PCSK5: variants seen among roughly 807,000 people sequenced by gnomAD.
The protein encoded by PCSK5 is proprotein convertase subtilisin/kexin type 5.
A neutral mutation model predicts 233.2 loss-of-function variants in PCSK5; 129 were observed. The ratio of observed to expected loss-of-function variants is 0.55; its 90% CI spans 0.48 to 0.64. PCSK5 has a LOEUF of 0.64. Among genes scored for constraint, PCSK5 ranks in the 30% least tolerant of loss-of-function variants. PCSK5 has a pLI of 0.00. For synonymous variants in PCSK5, 825 were observed against 879.2 expected, an observed-to-expected ratio of 0.94 and a Z score of 1.09; for missense variants, 2,076 against 2,430.1, an observed-to-expected ratio of 0.85 and a Z score of 3.06.
chr9:76,120,456 T>G (rs1385592456), intron 9 of PCSK5, among the ~76,000 whole-genome samples: 1 of 152,154 alleles, frequency 6.6e-6, no homozygotes, highest in African/African-American at 2.4e-5. Flanking sequence ...AAAAAATCTT[T>G]CTACATTGTT....
chr9:75,980,009 G>T (rs1200247402), intron 2 of PCSK5, among the ~76,000 whole-genome samples: 1 of 152,176 alleles, frequency 6.6e-6, no homozygotes. Context: ...AGGGTGGAAA[G>T]CACATTTTAC....
intron 24 of PCSK5, among the ~76,000 whole-genome samples, chr9:76,273,460 A>C (rs1827588833): frequency 6.6e-6 from 1 of 151,376 alleles, no homozygotes; most frequent in Non-Finnish European, 1.5e-5. Flanking sequence ...TTCTTCTTAC[A>C]TACTATGTCT....
At chr9:75,963,549 G>C (rs1374543308) in intron 2 of PCSK5, among the ~76,000 whole-genome samples, 1 of 152,172 alleles carries the variant, frequency 6.6e-6, no homozygotes, top group African/African-American at 2.4e-5. Flanking sequence ...GGTAGTGTTA[G>C]AGCATTTGTT....
chr9:76,198,324 C>T (rs1204285789), intron 20 of PCSK5, among the ~76,000 whole-genome samples: 1 of 152,158 alleles, frequency 6.6e-6, no homozygotes, highest in Non-Finnish European at 1.5e-5. Flanking sequence ...GAAACGTTCC[C>T]TGAGGCTTGA....
intron 1 of PCSK5, among the ~76,000 whole-genome samples, chr9:75,928,596 C>CATATATATATATATATATATAT (rs61537466): frequency 1.5e-5 from 1 of 68,398 alleles, no homozygotes; most frequent in African/African-American, 4.9e-5. Flanking sequence ...CATATAAATA[C>CATATATATATATATATATATAT]ATATATATAT....
Position 76,320,465 on chromosome 9 carries a change from C to CTTCTTTTTT in PCSK5, c.3885-955_3885-954insCTTTTTTTT, listed in dbSNP as rs1554720984. On this transcript the variant is annotated intron_variant, in intron 30 of 37. Transcript: ENST00000674117. ...AAGAAAAAAAAAAAGTACATTGTAG[C>CTTCTTTTTT]TTTTTTTTTTTTTTTTTTTTTGAGA... is the stretch of plus-strand genomic sequence containing the variant. Among the ~76,000 whole-genome samples, 30 of 102,016 alleles carry CTTCTTTTTT rather than the reference C, an allele frequency of 2.9e-4. 1 individual carries two copies. The highest frequency in any genetic ancestry group is 7.3e-4 in the African/African-American group (19 of 25,906). The allele number at this position is 102,016 out of a possible 152,430, so 66.9% of individuals were successfully genotyped here.
chr9:75,951,885 C>T (rs2131325766), intron 2 of PCSK5, among the ~76,000 whole-genome samples: 1 of 152,226 alleles, frequency 6.6e-6, no homozygotes, highest in South Asian at 2.1e-4. Flanking sequence ...TCCTCCATCG[C>T]AGTTGTGGAT....
At chr9:76,223,965 A>T (rs1825804769) in intron 20 of PCSK5, among the ~76,000 whole-genome samples, 1 of 152,186 alleles carries the variant, frequency 6.6e-6, no homozygotes, top group Non-Finnish European at 1.5e-5. Flanking sequence ...TTGCTTATGT[A>T]ACTAATTAAA....
intron 12 of PCSK5, among the ~76,000 whole-genome samples, chr9:76,167,616 G>C (rs1413922230): frequency 6.6e-6 from 1 of 152,158 alleles, no homozygotes; most frequent in African/African-American, 2.4e-5. Flanking sequence ...ATTTTAGAAA[G>C]AGCCTCAGAC....
intron 12 of PCSK5, among the ~76,000 whole-genome samples, chr9:76,165,841 G>C (rs544687015): frequency 6.6e-6 from 1 of 152,166 alleles, no homozygotes; most frequent in Non-Finnish European, 1.5e-5. Flanking sequence ...GGATGTTCAC[G>C]CTGGGCATTA....
chr9:76,236,402 C>T (rs1431309632), intron 22 of PCSK5, among the ~76,000 whole-genome samples: 3 of 152,204 alleles, frequency 2.0e-5, no homozygotes, highest in African/African-American at 7.2e-5. Flanking sequence ...AATCCAAACT[C>T]TTGTCCCCTA....
At chr9:76,327,009 G>C (rs1462156993) in intron 32 of PCSK5, among the ~76,000 whole-genome samples, 1 of 152,068 alleles carries the variant, frequency 6.6e-6, no homozygotes, top group Non-Finnish European at 1.5e-5. Context: ...GCTCATGCCT[G>C]TAATCCCAGC....
At chr9:75,896,223 T>C (rs4745463) in intron 1 of PCSK5, among the ~76,000 whole-genome samples, 121,587 of 152,198 alleles carry the variant, frequency 0.8, 49,828 homozygotes, top group African/African-American at 0.89. Flanking sequence ...GAGTGCATGG[T>C]CTGGTGATGG....
Position 75,948,811 on chromosome 9 carries a change from A to C in PCSK5, c.297+16328A>C, listed in dbSNP as rs1416369356. 7.2e-5 allele frequency among the ~76,000 whole-genome samples: 11 copies of C among 152,112 alleles called. No individual in the cohort carries two copies. The East Asian group carries it at 2.1e-3, about 30-fold the overall frequency. On this transcript the variant is annotated intron_variant, in intron 2 of 37. Coordinates refer to ENST00000674117, the MANE Select transcript of PCSK5 (RefSeq NM_001372043.1). ...AAGCATTCCTATTTCTCCACATCCT[A>C]TCCAGCATCTGTTGTTTCCTGACTT...
chr9:75,905,403 GCTA>G (rs1167754496), intron 1 of PCSK5, among the ~76,000 whole-genome samples: 1 of 152,192 alleles, frequency 6.6e-6, no homozygotes, highest in Non-Finnish European at 1.5e-5. Context: ...TGTAGTCCCA[GCTA>G]CTTGGCAAGC....
intron 23 of PCSK5, 72 bp from the exon 24 acceptor site, chr9:76,240,544 T>C: frequency 9.6e-7 from 1 of 1,043,456 alleles, no homozygotes; most frequent in South Asian, 1.4e-5. Context: ...CACACGAACA[T>C]ATTTTTGTAG....
chr9:75,908,815 C>CATCT (rs202004678), intron 1 of PCSK5, among the ~76,000 whole-genome samples: 2,796 of 151,830 alleles, frequency 0.018, 39 homozygotes, highest in South Asian at 0.035. Context: ...TCTTACATGC[C>CATCT]ATCTATCTAT....
chr9:76,095,813 G>A, intron 7 of PCSK5, 77 bp from the exon 8 acceptor site: 3 of 1,323,416 alleles, frequency 2.3e-6, no homozygotes, highest in East Asian at 2.3e-5. Flanking sequence ...CACCTACTCA[G>A]TTTGGCTCAG....
At chr9:76,032,671 C>G (rs1348003073) in intron 5 of PCSK5, among the ~76,000 whole-genome samples, 1 of 152,130 alleles carries the variant, frequency 6.6e-6, no homozygotes, top group Non-Finnish European at 1.5e-5. Flanking sequence ...ATTAGCTTGC[C>G]AAATAAAGCT....
Sources: gnomAD v4.1 joint callset for allele counts (sites outside exome capture counted in the v4.1 genomes callset) on GRCh38, gnomAD v4.1.1 for gene constraint, MANE v1.5 for transcripts, NCBI Gene and HGNC (gene_info 2026-07-23, HGNC 2026-07-21) for gene names.